DENND2A: variants seen among roughly 807,000 people sequenced by gnomAD.
DENND2A encodes DENN domain-containing protein 2A.
A neutral mutation model predicts 105.3 loss-of-function variants in DENND2A; 53 were observed. The ratio of observed to expected loss-of-function variants is 0.50; its 90% CI spans 0.40 to 0.63. DENND2A has a LOEUF of 0.63. DENND2A is among the 30% of genes least tolerant of loss of function. The probability of loss-of-function intolerance (pLI) is 0.00; values close to 1 mark genes in which losing one functional copy is unlikely to be tolerated. For synonymous variants in DENND2A, 522 were observed against 508.4 expected (o/e 1.03, Z -0.36); for missense variants, 1,138 against 1,279.6 (o/e 0.89, Z 1.69).
intron 2 of DENND2A, among the ~76,000 whole-genome samples, 153 bp downstream of exon 2, chr7:140,605,552 A>G (rs1799658900): frequency 6.6e-6 from 1 of 152,328 alleles, no homozygotes; most frequent in Middle Eastern, 3.4e-3. Flanking sequence ...CCTTAAATGA[A>G]TGCAGTGCAT....
chr7:140,525,950 G>A (rs2252397), intron 15 of DENND2A, among the ~76,000 whole-genome samples, 158 bp from the exon 16 acceptor site: 77,318 of 152,004 alleles, frequency 0.51, 21,111 homozygotes, highest in African/African-American at 0.71. Context: ...GTAGCCACAG[G>A]TAATGAAGAG....
chr7:140,611,828 C>T (rs1298241029), intron 1 of DENND2A, among the ~76,000 whole-genome samples: 3 of 152,094 alleles, frequency 2.0e-5, no homozygotes, highest in East Asian at 1.9e-4. Context: ...AATTGTTCCT[C>T]GTTGCTATTA....
At chr7:140,591,711 T>TTCTC (rs148130974) in intron 3 of DENND2A, among the ~76,000 whole-genome samples, 2 of 146,544 alleles carry the variant, frequency 1.4e-5, no homozygotes, top group Non-Finnish European at 3.0e-5. Flanking sequence ...CCTTCCTTCT[T>TTCTC]TCTCTCTCTT....
At chr7:140,633,752 G>A (rs890122325) in intron 1 of DENND2A, among the ~76,000 whole-genome samples, 1 of 152,044 alleles carries the variant, frequency 6.6e-6, no homozygotes, top group Non-Finnish European at 1.5e-5. Flanking sequence ...AGCAAGAGAC[G>A]AACTTGGGAC....
At chr7:140,579,896 CA>C (rs1798465398) in intron 5 of DENND2A, among the ~76,000 whole-genome samples, 1 of 152,132 alleles carries the variant, frequency 6.6e-6, no homozygotes, top group Admixed American at 6.6e-5. Context: ...CTTTGGGAGG[CA>C]AAGGTGGGTG....
intron 19 of DENND2A, among the ~76,000 whole-genome samples, chr7:140,519,157 A>G (rs1040779096): frequency 6.6e-6 from 1 of 152,150 alleles, no homozygotes; most frequent in African/African-American, 2.4e-5. Flanking sequence ...TCACTGCTGC[A>G]GACACCTCCC....
intron 3 of DENND2A, among the ~76,000 whole-genome samples, chr7:140,599,634 A>G (rs1414526352): frequency 1.3e-5 from 2 of 151,958 alleles, no homozygotes; most frequent in African/African-American, 4.8e-5. Context: ...TAGTAATGCT[A>G]TATGCTCCTT....
chr7:140,533,680 C>T (rs754530514), intron 14 of DENND2A, among the ~76,000 whole-genome samples: 5 of 152,164 alleles, frequency 3.3e-5, no homozygotes, highest in Non-Finnish European at 7.4e-5. Context: ...GATGACGACT[C>T]GGCTGGGGAA....
chr7:140,563,255 G>C (rs1360079768), intron 9 of DENND2A, among the ~76,000 whole-genome samples: 2 of 152,050 alleles, frequency 1.3e-5, no homozygotes, highest in Non-Finnish European at 2.9e-5. Context: ...TCACACATAG[G>C]ACACACACAA....
intron 5 of DENND2A, among the ~76,000 whole-genome samples, 199 bp from the exon 6 acceptor site, chr7:140,574,207 G>A (rs558746175): frequency 3.9e-5 from 6 of 152,152 alleles, no homozygotes; most frequent in African/African-American, 1.2e-4. Context: ...TGTGATGAGC[G>A]ATGTAAATCT....
intron 13 of DENND2A, chr7:140,544,986 A>G (rs1796836822): frequency 2.0e-6 from 1 of 502,100 alleles, no homozygotes; most frequent in African/African-American, 2.1e-5. Context: ...CAAGCGTCTC[A>G]CACTCAGCTA....
chr7:140,592,861 C>G (rs269240), intron 3 of DENND2A, among the ~76,000 whole-genome samples: 4 of 152,060 alleles, frequency 2.6e-5, no homozygotes, highest in South Asian at 2.1e-4. Context: ...CCTCAGCCCC[C>G]CAAAGTGCTG....
At chr7:140,625,486 C>G (rs1800486194) in intron 1 of DENND2A, among the ~76,000 whole-genome samples, 2 of 152,076 alleles carry the variant, frequency 1.3e-5, no homozygotes, top group Non-Finnish European at 2.9e-5. Flanking sequence ...TTGAGACTAG[C>G]CTGGCCAACA....
intron 18 of DENND2A, 71 bp downstream of exon 18, chr7:140,521,784 C>G: frequency 3.8e-6 from 6 of 1,586,256 alleles, no homozygotes; most frequent in Non-Finnish European, 5.2e-6. Flanking sequence ...GATCTTTCTC[C>G]CTACTCATCA....
intron 2 of DENND2A, among the ~76,000 whole-genome samples, chr7:140,603,233 C>T (rs1799581139): frequency 6.6e-6 from 1 of 152,166 alleles, no homozygotes; most frequent in Admixed American, 6.5e-5. Flanking sequence ...TTGCAGTAAA[C>T]TTAGATTGCA....
chr7:140,536,895 T>C (rs1796474216), intron 14 of DENND2A, among the ~76,000 whole-genome samples: 1 of 152,180 alleles, frequency 6.6e-6, no homozygotes, highest in African/African-American at 2.4e-5. Flanking sequence ...ATTCCTGACC[T>C]CAGGTGATCA....
chr7:140,611,234 A>AT (rs1431402785), intron 1 of DENND2A, among the ~76,000 whole-genome samples: 1 of 152,092 alleles, frequency 6.6e-6, no homozygotes, highest in African/African-American at 2.4e-5. Flanking sequence ...GCAAGAAGTG[A>AT]TTTAAATATA....
intron 1 of DENND2A, among the ~76,000 whole-genome samples, chr7:140,637,318 C>G (rs538340398): frequency 4.6e-5 from 7 of 152,288 alleles, no homozygotes; most frequent in African/African-American, 1.7e-4. Flanking sequence ...TGTCAATTTA[C>G]GACAGCTATA....
At chr7:140,570,478 A>G (rs568017910) in intron 6 of DENND2A, among the ~76,000 whole-genome samples, 12 of 152,334 alleles carry the variant, frequency 7.9e-5, no homozygotes, top group African/African-American at 2.9e-4. Flanking sequence ...ACTATTCCAA[A>G]GAATGTCAGA....
Sources: allele counts gnomAD v4.1 joint callset (sites outside exome capture counted in the v4.1 genomes callset), GRCh38; gene constraint gnomAD v4.1.1; transcripts MANE v1.5; gene names NCBI Gene and HGNC (gene_info 2026-07-23, HGNC 2026-07-21).